The following AKAP7 variants were observed in gnomAD, a reference collection of about 807,000 sequenced individuals.
AKAP7 encodes the protein A kinase (PRKA) anchor protein 7.
AKAP7 carries 39 observed loss-of-function variants against 39.5 expected under a neutral mutation model. The observed-to-expected ratio is 0.99, with a 90% confidence interval of 0.76 to 1.29. AKAP7 has a LOEUF of 1.29. Ranked by LOEUF, AKAP7 falls within the 50% of genes most tolerant of loss-of-function variation. The pLI is 0.00. For synonymous variants in AKAP7, 140 were observed against 139.1 expected, an observed-to-expected ratio of 1.01 and a Z score of -0.05; for missense variants, 414 against 407.7, an observed-to-expected ratio of 1.02 and a Z score of -0.13.
chr6:131,173,967 G>T (rs1804332358), intron 5 of AKAP7, among the ~76,000 whole-genome samples: 1 of 152,206 alleles, frequency 6.6e-6, no homozygotes, highest in African/African-American at 2.4e-5. Context: ...GGAATGTGAA[G>T]TATCACCAGC....
rs189348138 is a variant in AKAP7 at position 131,142,342 on chromosome 6, C to A, written c.20-2943C>A. Among the ~76,000 whole-genome samples, 801 of 152,342 alleles carry A rather than the reference C, an allele frequency of 5.3e-3. 7 individuals carry two copies. The highest frequency in any genetic ancestry group is 0.016 in the African/African-American group (667 of 41,592). ...GGGGACAAGCCCAGGGGCATGCTGC[C>A]ATGTGCAGCCTGGGGACACTGCTCC... On this transcript the variant is annotated intron_variant, in intron 1 of 7. Transcript: ENST00000431975.
At chr6:131,135,855 C>G in intron 1 of AKAP7, 73 bp downstream of exon 1, 3 of 1,220,906 alleles carry the variant, frequency 2.5e-6, no homozygotes, top group Non-Finnish European at 3.1e-6. Flanking sequence ...GCTCTGCGCT[C>G]GAACTTTGGG....
At chr6:131,146,440 C>G (rs1268401446) in intron 2 of AKAP7, among the ~76,000 whole-genome samples, 1 of 151,952 alleles carries the variant, frequency 6.6e-6, no homozygotes, top group African/African-American at 2.4e-5. Context: ...AGACCCCCAT[C>G]TCTATTTTAG....
chr6:131,155,868 A>T (rs1802374088), intron 2 of AKAP7, among the ~76,000 whole-genome samples: 1 of 152,184 alleles, frequency 6.6e-6, no homozygotes, highest in African/African-American at 2.4e-5. Context: ...GAATTTAGAG[A>T]TCTTCTCATA....
upstream of AKAP7, among the ~76,000 whole-genome samples, chr6:131,132,417 C>G (rs1018835146): frequency 3.9e-5 from 6 of 152,122 alleles, no homozygotes; most frequent in African/African-American, 1.4e-4. Flanking sequence ...TGCAGCACGA[C>G]TCATGAGGGC....
chr6:131,205,397 G>A (rs1807997935), intron 6 of AKAP7, among the ~76,000 whole-genome samples: 1 of 152,128 alleles, frequency 6.6e-6, no homozygotes, highest in South Asian at 2.1e-4. Context: ...CAGATCTAGT[G>A]TGAGGGTTTC....
chr6:131,202,750 A>T (rs1249000941), intron 6 of AKAP7, among the ~76,000 whole-genome samples: 1 of 152,066 alleles, frequency 6.6e-6, no homozygotes, highest in African/African-American at 2.4e-5. Flanking sequence ...CCTAAAACTT[A>T]AAGTATAATA....
rs1272783401 is a variant in AKAP7 at position 131,263,281 on chromosome 6, G to A, written c.851-18249G>A. 2.6e-5 allele frequency among the ~76,000 whole-genome samples: 4 copies of A among 152,142 alleles called. No individual in the cohort carries two copies. In the East Asian group the frequency reaches 7.7e-4, roughly 29 times the overall value. ...TCAGCTTCTGTTCTCAGCCTCTTAGGTTCCCTTGCTGGTAGGGCTCTGGCT... is the reference window on the plus strand; with the variant it reads ...TCAGCTTCTGTTCTCAGCCTCTTAGATTCCCTTGCTGGTAGGGCTCTGGCT... On this transcript the variant is annotated intron_variant, in intron 7 of 7. Transcript: ENST00000431975.
intron 6 of AKAP7, among the ~76,000 whole-genome samples, chr6:131,216,408 T>C (rs1331735621): frequency 3.3e-5 from 5 of 152,192 alleles, no homozygotes; most frequent in African/African-American, 9.7e-5. Context: ...CCATTACTTA[T>C]CAGATTGAGC....
At position 131,219,799 on chromosome 6, in the gene AKAP7, A is replaced by G; in HGVS notation, c.841A>G (p.Ile281Val). The G allele has an allele frequency of 1.3e-6, 2 of 1,550,918 alleles. No individual in the cohort carries two copies. The highest frequency in any genetic ancestry group is 8.7e-7 in the Non-Finnish European group (1 of 1,153,344). ...SNGYYHCESS[I>V]VIGEKNGGEP... is the part of the protein sequence containing the mutation. ...TGGTTATTATCACTGTGAATCTTCCATTGTGATTGGTGAGTGTCATTTAAA... is the reference window on the plus strand; with the variant it reads ...TGGTTATTATCACTGTGAATCTTCCGTTGTGATTGGTGAGTGTCATTTAAA... The change falls in exon 7 of 8, where the codon ATT becomes GTT. Residue 281 changes from isoleucine (I) to valine (V), a missense_variant. By Grantham distance (29) the Ile-to-Val change is conservative. Coordinates refer to ENST00000431975, the MANE Select transcript of AKAP7 (RefSeq NM_016377.4).
intron 3 of AKAP7, 32 bp downstream of exon 3, chr6:131,160,230 A>G: frequency 6.4e-7 from 1 of 1,553,402 alleles, no homozygotes; most frequent in Non-Finnish European, 8.6e-7. Flanking sequence ...TTTTACTGTG[A>G]AATTTTATTC....
At chr6:131,253,030 AAC>A in intron 7 of AKAP7, 2 of 1,613,120 alleles carry the variant, frequency 1.2e-6, no homozygotes, top group Non-Finnish European at 1.7e-6. Context: ...TTATTCTCAA[AAC>A]ACAGGTGAGT....
chr6:131,185,162 C>G, intron 5 of AKAP7: 2 of 538,846 alleles, frequency 3.7e-6, no homozygotes, highest in South Asian at 3.4e-5. Context: ...GAGAGATCAG[C>G]CCCTCCTTCT....
At chr6:131,242,129 G>T in intron 7 of AKAP7, 1 of 984,130 alleles carries the variant, frequency 1.0e-6, no homozygotes, top group South Asian at 4.7e-5. Flanking sequence ...ACAACAGTTT[G>T]TCAATTCATG....
chr6:131,271,973 A>C (rs529698219), intron 7 of AKAP7, among the ~76,000 whole-genome samples: 29 of 152,190 alleles, frequency 1.9e-4, no homozygotes, highest in Non-Finnish European at 3.7e-4. Context: ...GCTTTTAGGC[A>C]GGGATCTGTG....
Position 131,281,701 on chromosome 6 carries a change from A to ATGAC in AKAP7, c.1023_1026dup (p.Asn343Ter), listed in dbSNP as rs768882774. The ATGAC allele has an allele frequency of 6.2e-7, 1 of 1,610,564 alleles. No individual in the cohort carries two copies. Among genetic ancestry groups the ATGAC allele is most frequent in the Non-Finnish European group, 8.5e-7 (1 of 1,178,482 alleles). On this transcript the variant is annotated frameshift_variant, in exon 8 of 8. Transcript: ENST00000431975. LOFTEE classifies it high-confidence loss of function. This position sits in a 1 kb window ranked among gnomAD's most constrained non-coding sequence, Gnocchi z 4.0. ...ACCGAAGCAGCTGATCAGAATGGCA[A>ATGAC]TGACAATGAGAACAACAGGAAATGA...
intron 6 of AKAP7, among the ~76,000 whole-genome samples, chr6:131,217,548 C>T (rs147208781): frequency 1.2e-4 from 19 of 152,136 alleles, no homozygotes; most frequent in African/African-American, 4.6e-4. Flanking sequence ...AGGCGTCATG[C>T]CTTTTTGAAC....
At chr6:131,210,931 G>A (rs1318733158) in intron 6 of AKAP7, among the ~76,000 whole-genome samples, 1 of 152,172 alleles carries the variant, frequency 6.6e-6, no homozygotes, top group Non-Finnish European at 1.5e-5. Flanking sequence ...TGTGCTCTTG[G>A]ACTTCCAGGC....
At chr6:131,125,647 A>G in the AKAP7 span, among the ~76,000 whole-genome samples, 1 of 152,150 alleles carries the variant, frequency 6.6e-6, no homozygotes, top group East Asian at 1.9e-4. Context: ...GCATCCTTCC[A>G]ATACAGCAAG....
Sources: allele counts gnomAD v4.1 joint callset (sites outside exome capture counted in the v4.1 genomes callset), GRCh38; gene constraint gnomAD v4.1.1; non-coding constraint Gnocchi (gnomAD v3.1); transcripts MANE v1.5; gene names NCBI Gene and HGNC (gene_info 2026-07-23, HGNC 2026-07-21).